The following CEP63 variants were observed in gnomAD, a reference collection of about 807,000 sequenced individuals.
CEP63 encodes centrosomal protein 63.
Under a neutral mutation model 89.1 loss-of-function variants are expected in CEP63, and 84 were observed. The observed-to-expected ratio is 0.94, with a 90% CI of 0.79 to 1.13. CEP63 has a LOEUF of 1.13. Ranked by LOEUF, CEP63 falls within the 50% of genes most tolerant of loss-of-function variation. The pLI, the probability that CEP63 is intolerant of heterozygous loss-of-function variation, is 0.00. For missense variants in CEP63, 838 were observed against 813.3 expected, an observed-to-expected ratio of 1.03 and a Z score of -0.37; for synonymous variants, 267 against 272.5, an observed-to-expected ratio of 0.98 and a Z score of 0.20.
At chr3:134,547,884 CAGGCATG>C in intron 9 of CEP63, among the ~76,000 whole-genome samples, 1 of 152,232 alleles carries the variant, frequency 6.6e-6, no homozygotes, top group African/African-American at 2.4e-5. Context: ...GCTGGGATTA[CAGGCATG>C]AGTCACCGCA....
chr3:134,591,628 G>T (rs1268717820), downstream of CEP63, among the ~76,000 whole-genome samples: 1 of 152,086 alleles, frequency 6.6e-6, no homozygotes, highest in Non-Finnish European at 1.5e-5. Context: ...GGCCGAGGTG[G>T]GTGGAGTGCT....
chr3:134,720,753 G>A, the CEP63 span, among the ~76,000 whole-genome samples: 1 of 152,016 alleles, frequency 6.6e-6, no homozygotes, highest in Admixed American at 6.6e-5. Flanking sequence ...CCCATTGATG[G>A]TCTTGGCACT....
the CEP63 span, chr3:134,603,359 G>A: frequency 6.9e-5 from 33 of 477,008 alleles, no homozygotes; most frequent in African/African-American, 6.3e-4. Context: ...TCCTTCTAAA[G>A]AGCCACTGCC....
chr3:134,644,716 C>T, the CEP63 span, among the ~76,000 whole-genome samples: 6 of 152,198 alleles, frequency 3.9e-5, no homozygotes, highest in African/African-American at 1.4e-4. Flanking sequence ...TCAGTGGTTC[C>T]CGTGCCTGGG....
the CEP63 span, among the ~76,000 whole-genome samples, chr3:134,746,065 ACCAC>A: frequency 2.7e-5 from 3 of 111,770 alleles, no homozygotes; most frequent in East Asian, 2.8e-4. Context: ...TCCCTCCTCC[ACCAC>A]CCCCCCCACC....
chr3:134,546,149 G>C lies in CEP63; in HGVS notation c.790G>C (p.Ala264Pro). The C allele has an allele frequency of 6.2e-7, 1 of 1,613,634 alleles. No homozygotes were observed. The highest frequency in any genetic ancestry group is 1.3e-5 in the African/African-American group (1 of 74,994). The change falls in exon 8 of 15, where the codon GCT becomes CCT. Residue 264 changes from alanine (A) to proline (P), a missense_variant and splice_region_variant. Transcript: ENST00000675561. ...KLRESEKLLEALQEEKRELKA... is the reference protein window; with the variant it reads ...KLRESEKLLEPLQEEKRELKA... The stretch of plus-strand genomic sequence containing the variant: ...ATAATCATATTTGACTTTTTTGCAG[G>C]CTCTGCAGGAAGAAAAGAGAGAATT...
At chr3:134,596,324 A>G in the CEP63 span, among the ~76,000 whole-genome samples, 2 of 152,184 alleles carry the variant, frequency 1.3e-5, no homozygotes, top group African/African-American at 4.8e-5. Context: ...TCCTACTTTC[A>G]GGACTTGTTC....
chr3:134,496,015 A>T (rs2108068323), intron 2 of CEP63, among the ~76,000 whole-genome samples: 1 of 152,332 alleles, frequency 6.6e-6, no homozygotes, highest in Non-Finnish European at 1.5e-5. Flanking sequence ...GGTTATTGTG[A>T]ATAATGCTGC....
At chr3:134,684,937 G>A in the CEP63 span, among the ~76,000 whole-genome samples, 2 of 152,138 alleles carry the variant, frequency 1.3e-5, no homozygotes, top group East Asian at 1.9e-4. Context: ...CTGGATCCTC[G>A]CTGGGGCTAG....
At chr3:134,665,652 G>GAC in the CEP63 span, among the ~76,000 whole-genome samples, 223 of 95,816 alleles carry the variant, frequency 2.3e-3, 1 homozygote, top group African/African-American at 6.9e-3. Context: ...GGAAACAGAG[G>GAC]ACACACACAC....
chr3:134,623,330 C>T, the CEP63 span, among the ~76,000 whole-genome samples: 1 of 152,144 alleles, frequency 6.6e-6, no homozygotes, highest in Non-Finnish European at 1.5e-5. Flanking sequence ...CTCCAGACCC[C>T]ACCCACTTTC....
the CEP63 span, among the ~76,000 whole-genome samples, chr3:134,682,929 G>T: frequency 2.0e-5 from 3 of 152,176 alleles, no homozygotes; most frequent in Non-Finnish European, 4.4e-5. Context: ...GTGACAGAGT[G>T]TCATTAAAGG....
chr3:134,550,342 T>C, intron 11 of CEP63, 82 bp downstream of exon 11: 1 of 1,330,622 alleles, frequency 7.5e-7, no homozygotes, highest in African/African-American at 1.5e-5. Context: ...TTCATAATAT[T>C]TAATTCAGTG....
chr3:134,490,647 TCCCATAAAACAAGTA>T (rs55666847), intron 1 of CEP63, among the ~76,000 whole-genome samples: 2 of 150,608 alleles, frequency 1.3e-5, no homozygotes, highest in African/African-American at 2.4e-5. Context: ...TTAGCATAAT[TCCCATAAAACAAGTA>T]CCCATAAAAC....
the CEP63 span, among the ~76,000 whole-genome samples, chr3:134,694,012 G>T: frequency 6.6e-6 from 1 of 152,230 alleles, no homozygotes; most frequent in Non-Finnish European, 1.5e-5. Flanking sequence ...GGGCATGTGG[G>T]CAATGCTCCT....
chr3:134,595,910 C>G, the CEP63 span, among the ~76,000 whole-genome samples: 1 of 152,194 alleles, frequency 6.6e-6, no homozygotes, highest in Non-Finnish European at 1.5e-5. Flanking sequence ...GTCTTCAAGA[C>G]AGCCCCACAT....
chr3:134,493,985 A>G (rs951390129), intron 1 of CEP63, among the ~76,000 whole-genome samples: 7 of 152,328 alleles, frequency 4.6e-5, no homozygotes, highest in African/African-American at 9.6e-5. Context: ...AAGATTTATT[A>G]TAAAAGGCGA....
chr3:134,559,454 A>C (rs566457425), intron 14 of CEP63, 25 bp downstream of exon 14: 30 of 1,598,254 alleles, frequency 1.9e-5, no homozygotes, highest in South Asian at 1.0e-4. Context: ...TGATCTTAGT[A>C]ATTTGTTAGT....
the CEP63 span, among the ~76,000 whole-genome samples, chr3:134,660,020 G>A: frequency 6.6e-6 from 1 of 152,250 alleles, no homozygotes; most frequent in East Asian, 1.9e-4. Context: ...ATAAGCCGCG[G>A]TCCTTATTAA....
Sources: gnomAD v4.1 joint callset for allele counts (sites outside exome capture counted in the v4.1 genomes callset) on GRCh38, gnomAD v4.1.1 for gene constraint, MANE v1.5 for transcripts, NCBI Gene and HGNC (gene_info 2026-07-23, HGNC 2026-07-21) for gene names.